Variants in SH3D19 observed in about 807,000 individuals in gnomAD.
SH3D19 encodes SH3 domain-containing protein 19.
A neutral mutation model predicts 112.1 loss-of-function variants in SH3D19; 58 were observed. The ratio of observed to expected loss-of-function variants is 0.52; its 90% CI spans 0.42 to 0.64. The LOEUF is 0.64. Ranked by LOEUF, SH3D19 falls within the 30% of genes least tolerant of loss-of-function variation. The pLI is 0.00. For missense variants in SH3D19, 1,090 were observed against 1,263.4 expected (o/e 0.86, Z 2.08); for synonymous variants, 391 against 448.5 (o/e 0.87, Z 1.62).
intron 1 of SH3D19, among the ~76,000 whole-genome samples, chr4:151,288,755 A>G (rs1360197058): frequency 2.0e-5 from 3 of 152,184 alleles, no homozygotes; most frequent in Non-Finnish European, 4.4e-5. Flanking sequence ...TAAGAAAACA[A>G]TATTCCATTT....
chr4:151,274,199 T>C (rs183869097), intron 1 of SH3D19, among the ~76,000 whole-genome samples: 21 of 152,302 alleles, frequency 1.4e-4, no homozygotes, highest in Admixed American at 5.9e-4. Flanking sequence ...TTGGTAAAAA[T>C]TCATGGTGTT....
intron 6 of SH3D19, 101 bp downstream of exon 6, chr4:151,176,433 T>C: frequency 1.0e-6 from 1 of 955,180 alleles, no homozygotes; most frequent in Non-Finnish European, 1.4e-6. Context: ...CAGAGCTCAA[T>C]GAATTATGCA....
intron 1 of SH3D19, among the ~76,000 whole-genome samples, chr4:151,309,510 C>T (rs576087897): frequency 6.6e-6 from 1 of 152,194 alleles, no homozygotes; most frequent in South Asian, 2.1e-4. Flanking sequence ...ATTAGGAACT[C>T]GTATTAATAG....
At chr4:151,237,147 C>T (rs1770145897) in intron 1 of SH3D19, among the ~76,000 whole-genome samples, 1 of 152,138 alleles carries the variant, frequency 6.6e-6, no homozygotes, top group Admixed American at 6.5e-5. Flanking sequence ...GCCAGCGAGA[C>T]CACGAACCCA....
chr4:151,159,466 A>C, intron 8 of SH3D19, 114 bp from the exon 9 acceptor site: 1 of 646,240 alleles, frequency 1.5e-6, no homozygotes, highest in Non-Finnish European at 2.6e-6. Flanking sequence ...ATACACACAA[A>C]TAGTTAAGCA....
At chr4:151,159,466 A>G (rs1756758853) in intron 8 of SH3D19, 114 bp from the exon 9 acceptor site, 5 of 646,122 alleles carry the variant, frequency 7.7e-6, no homozygotes, top group Non-Finnish European at 1.3e-5. Flanking sequence ...ATACACACAA[A>G]TAGTTAAGCA....
chr4:151,281,549 A>G (rs1774236270), intron 1 of SH3D19, among the ~76,000 whole-genome samples: 1 of 152,094 alleles, frequency 6.6e-6, no homozygotes, highest in African/African-American at 2.4e-5. Context: ...AAAAAGAAAA[A>G]TCAAGAAACA....
chr4:151,265,911 G>A (rs1772754761), intron 1 of SH3D19, among the ~76,000 whole-genome samples: 1 of 152,036 alleles, frequency 6.6e-6, no homozygotes, highest in Non-Finnish European at 1.5e-5. Flanking sequence ...AGCAGCTTTG[G>A]AAAATTATTC....
intron 1 of SH3D19, among the ~76,000 whole-genome samples, chr4:151,317,500 C>A (rs1313472276): frequency 6.6e-6 from 1 of 152,102 alleles, no homozygotes; most frequent in African/African-American, 2.4e-5. Context: ...ATATAATATG[C>A]CAGTGAAGTT....
rs1491021621 is a variant in SH3D19 at position 151,198,334 on chromosome 4, A to AT, written c.153-10872_153-10871insA. 2.1e-4 allele frequency among the ~76,000 whole-genome samples: 5 copies of AT among 23,766 alleles called. No individual in the cohort carries two copies. The Non-Finnish European group carries it at 3.9e-3, about 19-fold the overall frequency. 15.6% of individuals were successfully genotyped at this position (23,766 alleles called of 152,430 possible). ...AAAAAAAAAATATATATATAATATA[A>AT]AAATATATATTATATAAAATATAAA... On this transcript the variant is annotated intron_variant, in intron 2 of 19. Coordinates refer to ENST00000604030, the MANE Select transcript of SH3D19 (RefSeq NM_001378122.1).
At chr4:151,236,146 C>T (rs1416477352) in intron 1 of SH3D19, among the ~76,000 whole-genome samples, 17 of 152,264 alleles carry the variant, frequency 1.1e-4, no homozygotes, top group African/African-American at 2.7e-4. Context: ...GCTCTGGCCG[C>T]GCTGGAGGAG....
chr4:151,191,295 C>G (rs1311492658), intron 2 of SH3D19, among the ~76,000 whole-genome samples: 1 of 152,134 alleles, frequency 6.6e-6, no homozygotes, highest in Non-Finnish European at 1.5e-5. Flanking sequence ...TGAGTTAATA[C>G]TGAAATGAAT....
chr4:151,212,429 G>A (rs1023152729), intron 2 of SH3D19, among the ~76,000 whole-genome samples: 7 of 152,170 alleles, frequency 4.6e-5, no homozygotes, highest in African/African-American at 1.7e-4. Flanking sequence ...ATACGTGTGA[G>A]GGGCACCTGG....
At chr4:151,262,795 T>G (rs1772481904) in intron 1 of SH3D19, 1 of 151,864 alleles carries the variant, frequency 6.6e-6, no homozygotes, top group African/African-American at 2.4e-5. Flanking sequence ...TCAAACTGCA[T>G]CCAAACCAGT....
At chr4:151,180,411 C>CTTTTTTT (rs367719721) in intron 3 of SH3D19, among the ~76,000 whole-genome samples, 1 of 130,768 alleles carries the variant, frequency 7.6e-6, no homozygotes, top group Non-Finnish European at 1.6e-5. Context: ...ATTTTTTTTT[C>CTTTTTTT]TTTTTTTTTT....
intron 2 of SH3D19, among the ~76,000 whole-genome samples, chr4:151,198,431 TATAAAATATATATAA>T (rs1419743101): frequency 1.5e-4 from 21 of 141,514 alleles, no homozygotes; most frequent in Admixed American, 3.6e-4. Flanking sequence ...ATATATATTA[TATAAAATATATATAA>T]AAATATATAT....
At chr4:151,128,436 G>A (rs1749901545) in intron 17 of SH3D19, 80 bp from the exon 18 acceptor site, 4 of 1,263,070 alleles carry the variant, frequency 3.2e-6, no homozygotes, top group Non-Finnish European at 1.1e-6. Context: ...AAAGTAGTGG[G>A]GAAAAAAAAA....
chr4:151,138,730 ACAC>A (rs1376502723), intron 13 of SH3D19, among the ~76,000 whole-genome samples: 2 of 149,086 alleles, frequency 1.3e-5, no homozygotes, highest in African/African-American at 5.1e-5. Context: ...ACACACACAC[ACAC>A]AAATTACTTT....
At chr4:151,135,545 A>G (rs1324219871) in intron 14 of SH3D19, among the ~76,000 whole-genome samples, 2 of 143,506 alleles carry the variant, frequency 1.4e-5, no homozygotes, top group Non-Finnish European at 3.0e-5. Context: ...CTCTTGCTTT[A>G]GCCCCACAAG....
Sources: allele counts gnomAD v4.1 joint callset (sites outside exome capture counted in the v4.1 genomes callset), GRCh38; gene constraint gnomAD v4.1.1; transcripts MANE v1.5; gene names NCBI Gene and HGNC (gene_info 2026-07-23, HGNC 2026-07-21).